The following FADS2 variants were observed in gnomAD, a reference collection of about 807,000 sequenced individuals.
FADS2 encodes the protein acyl-CoA 6-desaturase.
FADS2 carries 18 observed loss-of-function variants against 61.2 expected under a neutral mutation model. The ratio of observed to expected loss-of-function variants is 0.29; its 90% CI spans 0.20 to 0.44. FADS2 has a LOEUF of 0.44. FADS2 is among the 20% of genes least tolerant of loss of function. FADS2 has a pLI of 1.00. For missense variants in FADS2, 322 were observed against 572.7 expected, an observed-to-expected ratio of 0.56 and a Z score of 4.47; for synonymous variants, 203 against 223.9, an observed-to-expected ratio of 0.91 and a Z score of 0.83.
At chr11:61,853,191 AAAAC>A (rs1349631744) in intron 5 of FADS2, among the ~76,000 whole-genome samples, 1 of 151,818 alleles carries the variant, frequency 6.6e-6, no homozygotes, top group Non-Finnish European at 1.5e-5. Context: ...AAAACAAAAC[AAAAC>A]AAACAGAAAA....
At chr11:61,827,418 A>AG (rs1202747821), upstream of FADS2, 1 of 150,786 alleles carries the variant, frequency 6.6e-6, no homozygotes, top group Admixed American at 6.8e-5. The surrounding 1 kb of genome is among the most constrained non-coding windows in gnomAD (Gnocchi z 4.5). Context: ...CCAGACCAAG[A>AG]AAGCAGAGCA....
At chr11:61,817,627 T>TG (rs1486097867) in intron 1 of FADS2, among the ~76,000 whole-genome samples, 3 of 152,200 alleles carry the variant, frequency 2.0e-5, no homozygotes, top group Non-Finnish European at 4.4e-5. Context: ...CTGAAAAGCC[T>TG]GGGTCTTCAA....
At chr11:61,853,491 G>A (rs569595663) in intron 5 of FADS2, among the ~76,000 whole-genome samples, 54 of 152,006 alleles carry the variant, frequency 3.6e-4, no homozygotes, top group African/African-American at 1.3e-3. Flanking sequence ...TTCTTCTTTT[G>A]CCATATCCCC....
intron 1 of FADS2, among the ~76,000 whole-genome samples, chr11:61,819,307 G>A (rs531450700): frequency 3.3e-5 from 5 of 152,372 alleles, no homozygotes; most frequent in African/African-American, 9.6e-5. Context: ...CAGGCGGGGT[G>A]CCTCACGCCT....
At chr11:61,845,435 G>A (rs990367369) in intron 4 of FADS2, among the ~76,000 whole-genome samples, 3 of 152,196 alleles carry the variant, frequency 2.0e-5, no homozygotes, top group Admixed American at 6.5e-5. Context: ...TGGGCAAGGC[G>A]GGCTTCCCGG....
intron 1 of FADS2, among the ~76,000 whole-genome samples, chr11:61,818,404 C>G (rs936014485): frequency 6.6e-6 from 1 of 152,164 alleles, no homozygotes; most frequent in South Asian, 2.1e-4. Flanking sequence ...AAACCTTGCC[C>G]AACAACTTGG....
intron 5 of FADS2, chr11:61,854,783 G>A (rs975985077): frequency 2.0e-5 from 3 of 152,288 alleles, no homozygotes; most frequent in Non-Finnish European, 4.4e-5. Context: ...AGCCGCTGCA[G>A]CTGAGGCCAT....
At chr11:61,830,041 T>C (rs1439670378) in intron 1 of FADS2, among the ~76,000 whole-genome samples, 4 of 152,250 alleles carry the variant, frequency 2.6e-5, no homozygotes, top group Admixed American at 2.6e-4. Flanking sequence ...TTTGTGATGC[T>C]ATTTAGAACT....
At chr11:61,822,128 C>G (rs2067040517) in intron 1 of FADS2, among the ~76,000 whole-genome samples, 1 of 152,220 alleles carries the variant, frequency 6.6e-6, no homozygotes, top group African/African-American at 2.4e-5. Flanking sequence ...TGCCACCACG[C>G]CTGGCTAATT....
upstream of FADS2, chr11:61,827,856 G>A (rs1426712123): frequency 5.3e-6 from 1 of 189,720 alleles, no homozygotes; most frequent in Non-Finnish European, 9.9e-6. This position sits in a 1 kb window ranked among gnomAD's most constrained non-coding sequence, Gnocchi z 4.5. Flanking sequence ...AGCCTGCCTC[G>A]CAGCAGGGCT....
Sources: gnomAD v4.1 joint callset for allele counts (sites outside exome capture counted in the v4.1 genomes callset) on GRCh38, gnomAD v4.1.1 for gene constraint, Gnocchi (gnomAD v3.1) non-coding constraint, MANE v1.5 for transcripts, NCBI Gene and HGNC (gene_info 2026-07-23, HGNC 2026-07-21) for gene names.